CATSPER3: variants seen among roughly 807,000 people sequenced by gnomAD.
CATSPER3 encodes the protein cation channel sperm associated 3.
A neutral mutation model predicts 36.6 loss-of-function variants in CATSPER3; 23 were observed. The ratio of observed to expected loss-of-function variants is 0.63; its 90% CI spans 0.45 to 0.89. CATSPER3 has a LOEUF of 0.89. Ranked by LOEUF, CATSPER3 falls within the 40% of genes least tolerant of loss-of-function variation. The probability of loss-of-function intolerance (pLI) is 0.00; values close to 1 mark genes in which losing one functional copy is unlikely to be tolerated. For missense variants in CATSPER3, 474 were observed against 503.9 expected, an observed-to-expected ratio of 0.94 and a Z score of 0.57; for synonymous variants, 172 against 184.1, an observed-to-expected ratio of 0.93 and a Z score of 0.53.
intron 2 of CATSPER3, among the ~76,000 whole-genome samples, chr5:134,994,345 A>C (rs563283675): frequency 6.6e-6 from 1 of 152,352 alleles, no homozygotes; most frequent in South Asian, 2.1e-4. Flanking sequence ...CTTTATTAAT[A>C]GAGAAATGAA....
chr5:134,968,966 T>A (rs1456925875), intron 1 of CATSPER3: 2 of 152,214 alleles, frequency 1.3e-5, no homozygotes, highest in Non-Finnish European at 2.9e-5. Context: ...GAACAGAGAA[T>A]TTTGTATCTT....
intron 2 of CATSPER3, among the ~76,000 whole-genome samples, chr5:134,975,679 A>G (rs1751665011): frequency 6.6e-6 from 1 of 152,254 alleles, no homozygotes; most frequent in Admixed American, 6.5e-5. Flanking sequence ...CATTGTTGGC[A>G]GGAATGTAAA....
chr5:134,998,154 G>A (rs1751974451), intron 3 of CATSPER3, among the ~76,000 whole-genome samples: 2 of 152,028 alleles, frequency 1.3e-5, no homozygotes, highest in South Asian at 2.1e-4. Context: ...CCACCTATAA[G>A]TGAGAATATG....
chr5:134,968,871 A>G (rs1179170454), intron 1 of CATSPER3: 1 of 152,142 alleles, frequency 6.6e-6, no homozygotes, highest in African/African-American at 2.4e-5. Flanking sequence ...TAACCTCACC[A>G]TCCATAGACA....
At chr5:134,968,158 T>A (rs1751557242) in intron 1 of CATSPER3, 69 bp downstream of exon 1, 1 of 1,090,886 alleles carries the variant, frequency 9.2e-7, no homozygotes, top group Admixed American at 1.8e-5. Context: ...AGGGTGTCAG[T>A]GTTCTCTCAG....
chr5:134,996,290 T>C lies in CATSPER3; in HGVS notation c.270T>C (p.Phe90=), dbSNP rs778514171. The change falls in exon 3 of 8, where the codon TTT becomes TTC. Residue 90 remains phenylalanine (F), a synonymous_variant. Coordinates refer to ENST00000282611, the MANE Select transcript of CATSPER3 (RefSeq NM_178019.3). ...FRLLEFSEIF[F]VSICTSELSM... ...CCCTGTAGTTCTCGGAGATCTTCTT[T>C]GTGTCCATCTGCACATCTGAGTTGT... 1.9e-6 allele frequency: 3 copies of C among 1,614,252 alleles called. No homozygotes were observed. Among genetic ancestry groups the C allele is most frequent in the East Asian group, 2.2e-5 (1 of 44,890 alleles).
chr5:135,007,252 T>A (rs1752100167), intron 3 of CATSPER3, among the ~76,000 whole-genome samples: 3 of 152,128 alleles, frequency 2.0e-5, no homozygotes, highest in Admixed American at 2.0e-4. Flanking sequence ...CATTTTGAAG[T>A]GGGAAGAATG....
rs575554997 is a variant in CATSPER3, at chr5:135,007,902, G to T, written c.493-55G>T. 2.9e-4 allele frequency: 425 copies of T among 1,488,332 alleles called. 1 individual carries two copies. The highest frequency in any genetic ancestry group is 9.5e-4 in the Middle Eastern group (4 of 4,226). The allele number at this position is 1,488,332 out of a possible 1,614,324, so 92.2% of individuals were successfully genotyped here. The stretch of plus-strand genomic sequence containing the variant: ...CTGGGCAGAATGGACCTCTGTCCCT[G>T]GAGCCCACCCAGCTTGGTGGTACCC... On this transcript the variant is annotated intron_variant, in intron 3 of 7. Coordinates refer to ENST00000282611, the MANE Select transcript of CATSPER3 (RefSeq NM_178019.3).
intron 2 of CATSPER3, among the ~76,000 whole-genome samples, chr5:134,988,279 A>G (rs1424907332): frequency 6.6e-6 from 1 of 152,208 alleles, no homozygotes; most frequent in Non-Finnish European, 1.5e-5. Flanking sequence ...CTGCTAACTG[A>G]TCAGGATGAT....
intron 4 of CATSPER3, among the ~76,000 whole-genome samples, 174 bp downstream of exon 4, chr5:135,008,313 G>A (rs190445759): frequency 1.3e-5 from 2 of 152,220 alleles, no homozygotes; most frequent in East Asian, 3.9e-4. Context: ...CCCTGCACGG[G>A]GCTCCATCGC....
intron 2 of CATSPER3, among the ~76,000 whole-genome samples, chr5:134,982,294 A>G (rs754792660): frequency 6.6e-6 from 1 of 152,212 alleles, no homozygotes; most frequent in African/African-American, 2.4e-5. Context: ...TAAAGAAATA[A>G]TGGCCCCAAA....
chr5:134,968,998 C>T (rs936668051), intron 1 of CATSPER3: 2 of 151,826 alleles, frequency 1.3e-5, no homozygotes, highest in Non-Finnish European at 2.9e-5. Context: ...TTTTGCTGCA[C>T]ACAAAAACAA....
intron 3 of CATSPER3, among the ~76,000 whole-genome samples, chr5:134,998,440 T>G (rs1751979860): frequency 6.6e-6 from 1 of 152,222 alleles, no homozygotes; most frequent in South Asian, 2.1e-4. Flanking sequence ...TACCCAGTAA[T>G]GGGATGGCTG....
intron 3 of CATSPER3, among the ~76,000 whole-genome samples, chr5:134,998,442 G>C (rs199688304): frequency 3.2e-4 from 46 of 145,218 alleles, no homozygotes; most frequent in African/African-American, 6.1e-4. Context: ...CCCAGTAATG[G>C]GATGGCTGGG....
intron 3 of CATSPER3, among the ~76,000 whole-genome samples, chr5:135,007,392 C>T (rs879820055): frequency 6.6e-5 from 10 of 152,164 alleles, no homozygotes; most frequent in Non-Finnish European, 1.0e-4. Context: ...CGGTGCTCCC[C>T]AGAAATGGGC....
intron 3 of CATSPER3, among the ~76,000 whole-genome samples, chr5:134,998,320 T>A (rs1371941528): frequency 1.3e-5 from 2 of 152,250 alleles, no homozygotes; most frequent in Non-Finnish European, 2.9e-5. Flanking sequence ...AGCCTATCAT[T>A]GATGGGCATT....
chr5:135,008,871 T>A lies in CATSPER3; in HGVS notation c.706T>A (p.Leu236Met). The change falls in exon 5 of 8, where the codon TTG becomes ATG. Residue 236 changes from leucine to methionine, a missense_variant. Transcript: ENST00000282611. ...TGGCTGGACAGACCTGCAGAAGCAG[T>A]TGGACAATCGGGAATTTGCTTTGAG... is the stretch of plus-strand genomic sequence containing the variant. ...VDGWTDLQKQ[L>M]DNREFALSRA... 6.2e-7 allele frequency: 1 copy of A among 1,614,108 alleles called. No individual in the cohort carries two copies. Among genetic ancestry groups the A allele is most frequent in the Non-Finnish European group, 8.5e-7 (1 of 1,180,016 alleles).
At chr5:134,995,790 A>G in intron 2 of CATSPER3, 1 of 216,020 alleles carries the variant, frequency 4.6e-6, no homozygotes, top group South Asian at 8.7e-5. Context: ...ATGCATGAAA[A>G]GAATTTGAAG....
intron 2 of CATSPER3, among the ~76,000 whole-genome samples, chr5:134,980,287 T>G (rs1177419164): frequency 6.7e-6 from 1 of 149,780 alleles, no homozygotes; most frequent in Non-Finnish European, 1.5e-5. Context: ...TAGCCTATCT[T>G]CTTCCTTTCC....
Sources: allele counts gnomAD v4.1 joint callset (sites outside exome capture counted in the v4.1 genomes callset), GRCh38; gene constraint gnomAD v4.1.1; transcripts MANE v1.5; gene names NCBI Gene and HGNC (gene_info 2026-07-23, HGNC 2026-07-21).